The following KIRREL1 variants were observed in gnomAD, a reference collection of about 807,000 sequenced individuals.
KIRREL1 encodes kirre like nephrin family adhesion molecule 1, also known as kin of IRRE-like protein 1.
Under a neutral mutation model 83.3 loss-of-function variants are expected in KIRREL1, and 25 were observed. That is an observed-to-expected ratio of 0.30 (90% confidence interval 0.22 to 0.42). KIRREL1 has a LOEUF of 0.42. Among genes scored for constraint, KIRREL1 ranks in the 10% least tolerant of loss-of-function variants. The pLI, the probability that KIRREL1 is intolerant of heterozygous loss-of-function variation, is 1.00. For synonymous variants in KIRREL1, 388 were observed against 410.4 expected (o/e 0.95, Z 0.66); for missense variants, 812 against 1,032.3 (o/e 0.79, Z 2.92).
At chr1:158,081,879 C>T (rs987453450) in intron 3 of KIRREL1, among the ~76,000 whole-genome samples, 2 of 152,130 alleles carry the variant, frequency 1.3e-5, no homozygotes, top group African/African-American at 2.4e-5. Flanking sequence ...GCCTTCCCAG[C>T]GGAGGGGCTT....
At chr1:158,033,500 C>A (rs968952342) in intron 1 of KIRREL1, among the ~76,000 whole-genome samples, 1 of 152,194 alleles carries the variant, frequency 6.6e-6, no homozygotes, top group African/African-American at 2.4e-5. Flanking sequence ...TGGATGGTGA[C>A]TTTTTGGCAT....
At chr1:158,037,606 G>A (rs933313698) in intron 1 of KIRREL1, among the ~76,000 whole-genome samples, 1 of 151,634 alleles carries the variant, frequency 6.6e-6, no homozygotes, top group Non-Finnish European at 1.5e-5. Context: ...GCTTATATAC[G>A]TGTTCAATAA....
intron 1 of KIRREL1, among the ~76,000 whole-genome samples, chr1:158,036,175 A>G (rs1006408476): frequency 6.6e-6 from 1 of 152,184 alleles, no homozygotes; most frequent in Non-Finnish European, 1.5e-5. Context: ...TACGGTGCAA[A>G]TGGCGCCCCC....
At chr1:158,046,530 G>A (rs1660781752) in intron 1 of KIRREL1, among the ~76,000 whole-genome samples, 1 of 152,118 alleles carries the variant, frequency 6.6e-6, no homozygotes, top group African/African-American at 2.4e-5. Flanking sequence ...GTTTAAAGCT[G>A]TGCAACTGGT....
chr1:158,066,550 TCA>T (rs1177416164), intron 1 of KIRREL1, among the ~76,000 whole-genome samples: 2 of 152,222 alleles, frequency 1.3e-5, no homozygotes, highest in South Asian at 4.1e-4. Context: ...GTCCTGCGTC[TCA>T]GTTTCCTTCC....
chr1:158,059,176 C>T (rs766984535), intron 1 of KIRREL1, among the ~76,000 whole-genome samples: 15 of 152,202 alleles, frequency 9.9e-5, no homozygotes, highest in Non-Finnish European at 2.1e-4. Flanking sequence ...TTTGGTTCTG[C>T]CTTCCAAACT....
At chr1:158,057,150 G>A (rs180841957) in intron 1 of KIRREL1, among the ~76,000 whole-genome samples, 1 of 152,292 alleles carries the variant, frequency 6.6e-6, no homozygotes, top group Non-Finnish European at 1.5e-5. Flanking sequence ...GGATAGAGGT[G>A]TGAGTCCCTG....
At chr1:158,087,615 T>A in intron 5 of KIRREL1, 140 bp from the exon 6 acceptor site, 1 of 609,102 alleles carries the variant, frequency 1.6e-6, no homozygotes, top group Admixed American at 2.9e-5. Flanking sequence ...GAAGACAGTG[T>A]GTTAACTGGA....
At chr1:158,093,145 A>G (rs1662250272) in intron 11 of KIRREL1, among the ~76,000 whole-genome samples, 194 bp from the exon 12 acceptor site, 1 of 152,102 alleles carries the variant, frequency 6.6e-6, no homozygotes, top group East Asian at 1.9e-4. Flanking sequence ...CCAAAATCCA[A>G]CCACAATGCA....
At chr1:158,024,918 C>CA (rs1374534034) in intron 1 of KIRREL1, among the ~76,000 whole-genome samples, 1 of 151,826 alleles carries the variant, frequency 6.6e-6, no homozygotes, top group Admixed American at 6.6e-5. Flanking sequence ...GAAACCAGAC[C>CA]AAAAAAAGAG....
At chr1:158,050,432 C>A (rs370528744) in intron 1 of KIRREL1, among the ~76,000 whole-genome samples, 1 of 152,038 alleles carries the variant, frequency 6.6e-6, no homozygotes, top group South Asian at 2.1e-4. Flanking sequence ...TCTCTGTGGA[C>A]TTATAATGAG....
chr1:158,073,740 T>G (rs1307063222), intron 1 of KIRREL1, among the ~76,000 whole-genome samples: 1 of 152,208 alleles, frequency 6.6e-6, no homozygotes, highest in Non-Finnish European at 1.5e-5. Context: ...ACACCACTCC[T>G]CATCTCCACA....
At chr1:158,029,373 G>GCA (rs1286230701) in intron 1 of KIRREL1, among the ~76,000 whole-genome samples, 5 of 148,426 alleles carry the variant, frequency 3.4e-5, no homozygotes, top group Non-Finnish European at 6.0e-5. Context: ...GTGTGCACGT[G>GCA]CGCGCGCATG....
intron 1 of KIRREL1, among the ~76,000 whole-genome samples, chr1:158,058,066 G>A (rs948256192): frequency 6.6e-6 from 1 of 152,178 alleles, no homozygotes; most frequent in African/African-American, 2.4e-5. Context: ...GGGAAGCTTG[G>A]CTGTGCTCAG....
intron 1 of KIRREL1, among the ~76,000 whole-genome samples, chr1:158,063,840 A>G (rs867021967): frequency 1.3e-5 from 2 of 152,146 alleles, no homozygotes; most frequent in Non-Finnish European, 2.9e-5. Context: ...ACTTTCCTCC[A>G]TGTTGCCCCA....
intron 1 of KIRREL1, among the ~76,000 whole-genome samples, chr1:158,005,973 A>C (rs1659508150): frequency 6.6e-6 from 1 of 152,148 alleles, no homozygotes; most frequent in Non-Finnish European, 1.5e-5. Context: ...CACTGGGGGA[A>C]ACAGGATCTC....
rs144781522 is a variant in KIRREL1 at position 158,097,218 on chromosome 1, G to T, written c.*2098G>T. On this transcript the variant is annotated 3_prime_UTR_variant, in exon 15 of 15. Coordinates refer to ENST00000359209, the MANE Select transcript of KIRREL1 (RefSeq NM_018240.7). ...GGTCTGTCAAGAAATTCAGGTTCTT[G>T]TACAGACAAATTCATGCAAATTTCT... The T allele has an allele frequency of 2.9e-6, 1 of 349,354 alleles. No individual in the cohort carries two copies. Among genetic ancestry groups the T allele is most frequent in the Non-Finnish European group, 5.6e-6 (1 of 178,986 alleles). 21.6% of individuals were successfully genotyped at this position (349,354 alleles called of 1,614,324 possible).
chr1:158,098,140 G>A lies in KIRREL1; in HGVS notation c.*3020G>A, dbSNP rs563231254. Reference sequence around the variant, plus strand: ...TCAGAAGTGAATTAGTTTCCACCAGGGACCCCTTTATCCCAAACAGCAACA... The same window carrying A: ...TCAGAAGTGAATTAGTTTCCACCAGAGACCCCTTTATCCCAAACAGCAACA... On this transcript the variant is annotated 3_prime_UTR_variant, in exon 15 of 15. Coordinates refer to ENST00000359209, the MANE Select transcript of KIRREL1 (RefSeq NM_018240.7). The A allele has an allele frequency of 1.3e-5, 2 of 152,072 alleles. No homozygotes were observed. The highest frequency in any genetic ancestry group is 2.4e-5 in the African/African-American group (1 of 41,386). The allele number at this position is 152,072 out of a possible 1,614,324, so 9.4% of individuals were successfully genotyped here.
At chr1:158,041,057 A>G (rs527675821) in intron 1 of KIRREL1, among the ~76,000 whole-genome samples, 40 of 152,342 alleles carry the variant, frequency 2.6e-4, no homozygotes, top group African/African-American at 8.4e-4. Flanking sequence ...TCAAGCAACA[A>G]ATGTTTATTG....
Sources: allele counts gnomAD v4.1 joint callset (sites outside exome capture counted in the v4.1 genomes callset), GRCh38; gene constraint gnomAD v4.1.1; transcripts MANE v1.5; gene names NCBI Gene and HGNC (gene_info 2026-07-23, HGNC 2026-07-21).